The following SPIRE1 variants were observed in gnomAD, a reference collection of about 807,000 sequenced individuals.
The protein encoded by SPIRE1 is protein spire homolog 1.
A neutral mutation model predicts 94.1 loss-of-function variants in SPIRE1; 40 were observed. That is an observed-to-expected ratio of 0.43 (90% CI 0.33 to 0.55). The LOEUF (loss-of-function observed/expected upper bound fraction) is 0.55. Among genes scored for constraint, SPIRE1 ranks in the 20% least tolerant of loss-of-function variants. SPIRE1 has a pLI of 0.06. For missense variants in SPIRE1, 838 were observed against 975.2 expected, an observed-to-expected ratio of 0.86 and a Z score of 1.87; for synonymous variants, 376 against 371.7, an observed-to-expected ratio of 1.01 and a Z score of -0.13.
chr18:12,576,835 G>C (rs1176217163), intron 2 of SPIRE1, among the ~76,000 whole-genome samples: 4 of 147,096 alleles, frequency 2.7e-5, no homozygotes, highest in African/African-American at 1.0e-4. Flanking sequence ...GTTGCAGTGA[G>C]CCGAGATTGC....
chr18:12,458,361 C>T (rs2031621584), intron 12 of SPIRE1, among the ~76,000 whole-genome samples: 1 of 151,652 alleles, frequency 6.6e-6, no homozygotes, highest in Non-Finnish European at 1.5e-5. Flanking sequence ...CCTGTAATCC[C>T]AGCACTTTGG....
At chr18:12,524,648 C>T (rs775597571) in intron 4 of SPIRE1, among the ~76,000 whole-genome samples, 7 of 152,042 alleles carry the variant, frequency 4.6e-5, no homozygotes, top group African/African-American at 9.7e-5. Flanking sequence ...CATGAGACAC[C>T]GTGCCTGGTG....
chr18:12,558,430 T>C (rs1487553517), intron 2 of SPIRE1, among the ~76,000 whole-genome samples: 2 of 152,194 alleles, frequency 1.3e-5, no homozygotes, highest in East Asian at 1.9e-4. Flanking sequence ...CAAGATTTAC[T>C]GCAAAGAGCG....
intron 9 of SPIRE1, 69 bp downstream of exon 9, chr18:12,485,887 AGAT>A: frequency 3.6e-6 from 4 of 1,099,504 alleles, no homozygotes; most frequent in Non-Finnish European, 5.3e-6. Context: ...TTGAACAAGC[AGAT>A]GAATGAAATG....
chr18:12,576,812 C>A (rs868478641), intron 2 of SPIRE1, among the ~76,000 whole-genome samples: 2 of 148,718 alleles, frequency 1.3e-5, no homozygotes, highest in Non-Finnish European at 3.0e-5. Flanking sequence ...TTGCTCGAAC[C>A]CGGGAGGTGA....
chr18:12,641,675 G>C (rs933909035), intron 1 of SPIRE1, among the ~76,000 whole-genome samples: 1 of 151,812 alleles, frequency 6.6e-6, no homozygotes, highest in African/African-American at 2.4e-5. Context: ...CCTCATACAT[G>C]AATTTCTAAA....
chr18:12,452,558 G>T (rs371745661), intron 14 of SPIRE1, 46 bp from the exon 15 acceptor site: 5 of 1,599,676 alleles, frequency 3.1e-6, no homozygotes, highest in African/African-American at 2.7e-5. Flanking sequence ...ACCAGGGGAC[G>T]CAACTGGGAG....
chr18:12,636,468 A>G (rs1460228733), intron 1 of SPIRE1: 1 of 113,182 alleles, frequency 8.8e-6, no homozygotes, highest in Non-Finnish European at 1.9e-5. Context: ...AATTCTTAAA[A>G]TAAAAAATAA....
At chr18:12,459,769 A>G in intron 12 of SPIRE1, 1 of 985,924 alleles carries the variant, frequency 1.0e-6, no homozygotes, top group Non-Finnish European at 1.2e-6. Flanking sequence ...GAGGATTTCC[A>G]CCTGCTGGTA....
intron 7 of SPIRE1, among the ~76,000 whole-genome samples, chr18:12,494,838 C>CAAAAAA (rs71172091): frequency 6.3e-5 from 2 of 31,992 alleles, no homozygotes; most frequent in African/African-American, 1.5e-4. Context: ...GACTCCATCT[C>CAAAAAA]AAAAAAAAAA....
intron 6 of SPIRE1, among the ~76,000 whole-genome samples, chr18:12,501,090 A>G (rs1438279935): frequency 1.8e-4 from 27 of 147,674 alleles, no homozygotes; most frequent in Admixed American, 3.4e-4. Flanking sequence ...AAAAAAAAAA[A>G]AAAAAGAAAA....
chr18:12,647,261 T>C (rs2038252736), intron 1 of SPIRE1, among the ~76,000 whole-genome samples: 1 of 152,206 alleles, frequency 6.6e-6, no homozygotes, highest in Non-Finnish European at 1.5e-5. Context: ...CTACTTATGC[T>C]GACCATACAT....
At chr18:12,620,533 G>A (rs140582682) in intron 2 of SPIRE1, among the ~76,000 whole-genome samples, 1 of 152,268 alleles carries the variant, frequency 6.6e-6, no homozygotes, top group African/African-American at 2.4e-5. Context: ...TTTTCAATCA[G>A]GGTGATAATA....
intron 2 of SPIRE1, among the ~76,000 whole-genome samples, chr18:12,556,249 A>AT (rs1299276910): frequency 6.6e-6 from 1 of 152,206 alleles, no homozygotes; most frequent in Non-Finnish European, 1.5e-5. Flanking sequence ...TATCTTACAG[A>AT]TTCAATACAA....
intron 4 of SPIRE1, among the ~76,000 whole-genome samples, chr18:12,528,548 CA>C (rs1377629043): frequency 6.6e-6 from 1 of 152,114 alleles, no homozygotes; most frequent in Non-Finnish European, 1.5e-5. Context: ...TAGGCAACAC[CA>C]GCACACATAG....
intron 2 of SPIRE1, among the ~76,000 whole-genome samples, chr18:12,628,121 C>A (rs1356219085): frequency 6.6e-6 from 1 of 152,102 alleles, no homozygotes; most frequent in Non-Finnish European, 1.5e-5. Context: ...GTCATGAAGT[C>A]CTTGACCATG....
chr18:12,519,115 G>C (rs1445411825), intron 4 of SPIRE1, among the ~76,000 whole-genome samples: 3 of 152,120 alleles, frequency 2.0e-5, no homozygotes, highest in East Asian at 3.9e-4. Context: ...AACAACTATA[G>C]CAATTATGAA....
intron 2 of SPIRE1, among the ~76,000 whole-genome samples, chr18:12,547,496 T>C (rs2035207743): frequency 6.6e-6 from 1 of 152,228 alleles, no homozygotes; most frequent in African/African-American, 2.4e-5. Flanking sequence ...CACTGTTGCA[T>C]ACCACCTCGA....
chr18:12,547,807 T>C (rs112868974), intron 2 of SPIRE1, among the ~76,000 whole-genome samples: 6 of 152,320 alleles, frequency 3.9e-5, no homozygotes, highest in African/African-American at 1.4e-4. Flanking sequence ...CTGGGCGTGG[T>C]GGCGTGTGCC....
Sources: allele counts gnomAD v4.1 joint callset (sites outside exome capture counted in the v4.1 genomes callset), GRCh38; gene constraint gnomAD v4.1.1; transcripts MANE v1.5; gene names NCBI Gene and HGNC (gene_info 2026-07-23, HGNC 2026-07-21).